The following ZBTB25 variants were observed in gnomAD, a reference collection of about 807,000 sequenced individuals.
ZBTB25 encodes zinc finger and BTB domain-containing protein 25.
ZBTB25 carries 20 observed loss-of-function variants against 34.2 expected under a neutral mutation model. That is an observed-to-expected ratio of 0.58 (90% CI 0.41 to 0.85). The LOEUF (loss-of-function observed/expected upper bound fraction) is 0.85. Ranked by LOEUF, ZBTB25 falls within the 40% of genes least tolerant of loss-of-function variation. The pLI is 0.00. For synonymous variants in ZBTB25, 175 were observed against 186.4 expected (o/e 0.94, Z 0.50); for missense variants, 437 against 521.8 (o/e 0.84, Z 1.58).
chr14:64,474,598 A>G (rs1183354802), downstream of ZBTB25: 1 of 163,428 alleles, frequency 6.1e-6, no homozygotes, highest in African/African-American at 2.4e-5. Context: ...AGTTCGCACT[A>G]CCAAAAGTTC....
chr14:64,468,408 T>C (rs913824455), intron 2 of ZBTB25: 2 of 1,601,816 alleles, frequency 1.2e-6, no homozygotes, highest in African/African-American at 1.4e-5. Context: ...GAAACCACAA[T>C]TTCAGAAATT....
rs563643686 is a variant in ZBTB25 at position 64,503,650 on chromosome 14, G to A, written c.-8+11C>T. The A allele has an allele frequency of 2.0e-6, 2 of 980,540 alleles. No individual in the cohort carries two copies. The highest frequency in any genetic ancestry group is 1.1e-4 in the East Asian group (1 of 8,764). 60.7% of individuals were successfully genotyped at this position (980,540 alleles called of 1,614,324 possible). A position where few individuals can be genotyped will look rare whatever the true frequency, so the allele number is the denominator to read the frequency against. ...CGGGGCAGCCCACAGGGGCAGGACC[G>A]CGTCGCTTACCCAGATGCCGCCGCG... is the stretch of plus-strand genomic sequence containing the variant. On this transcript the variant is annotated intron_variant, in intron 1 of 2. Coordinates refer to ENST00000608382, the MANE Select transcript of ZBTB25 (RefSeq NM_006977.5).
Position 64,503,790 on chromosome 14 carries a change from A to G in ZBTB25, c.-137T>C, listed in dbSNP as rs2079579427. ...CTCTCGCGCGGCTTCCCGCGCCGGC[A>G]GCCCGCGATGGCCCCACGTGACCGC... On this transcript the variant is annotated 5_prime_UTR_variant, in exon 1 of 3. Coordinates refer to ENST00000608382, the MANE Select transcript of ZBTB25 (RefSeq NM_006977.5). 1.6e-5 allele frequency: 3 copies of G among 185,038 alleles called. No individual in the cohort carries two copies. The highest frequency in any genetic ancestry group is 2.4e-5 in the African/African-American group (1 of 42,072). The allele number at this position is 185,038 out of a possible 1,614,324, so 11.5% of individuals were successfully genotyped here.
At chr14:64,475,773 C>A (rs1010978591), downstream of ZBTB25, among the ~76,000 whole-genome samples, 2 of 152,070 alleles carry the variant, frequency 1.3e-5, no homozygotes, top group Non-Finnish European at 2.9e-5. Flanking sequence ...GATGGTGTGG[C>A]GCCGCGTCTG....
At chr14:64,473,616 T>C (rs921152503), downstream of ZBTB25, 1 of 167,130 alleles carries the variant, frequency 6.0e-6, no homozygotes, top group Non-Finnish European at 1.5e-5. Context: ...AAGAATGTTT[T>C]TCGAGGTTTA....
chr14:64,458,732 A>G (rs2078515244), intron 2 of ZBTB25: 1 of 230,190 alleles, frequency 4.3e-6, no homozygotes. Context: ...TGTCTTAGGA[A>G]GTATAATAGA....
At chr14:64,457,512 G>A (rs530623665) in intron 2 of ZBTB25, among the ~76,000 whole-genome samples, 3 of 151,092 alleles carry the variant, frequency 2.0e-5, no homozygotes, top group Non-Finnish European at 2.9e-5. Context: ...CTGGAGTGCA[G>A]TGGCAAGATC....
chr14:64,452,885 T>A (rs887503079), intron 2 of ZBTB25, among the ~76,000 whole-genome samples: 1 of 151,960 alleles, frequency 6.6e-6, no homozygotes, highest in Non-Finnish European at 1.5e-5. Context: ...ATTATTATTT[T>A]AAAATTTTTA....
chr14:64,492,697 A>G (rs1406823535), intron 1 of ZBTB25, among the ~76,000 whole-genome samples: 1 of 152,180 alleles, frequency 6.6e-6, no homozygotes, highest in Non-Finnish European at 1.5e-5. Flanking sequence ...AATGAGACAT[A>G]GCACACTAAT....
chr14:64,469,925 T>C (rs539474880), intron 2 of ZBTB25: 17 of 356,530 alleles, frequency 4.8e-5, no homozygotes, highest in Non-Finnish European at 8.9e-5. Context: ...ATACAGGGAG[T>C]TGCTAAAATG....
intron 2 of ZBTB25, among the ~76,000 whole-genome samples, chr14:64,456,769 G>A (rs979858787): frequency 2.6e-5 from 4 of 152,164 alleles, no homozygotes; most frequent in African/African-American, 7.2e-5. Flanking sequence ...GTGTTTTGGG[G>A]AATATTGATT....
chr14:64,478,855 C>T lies in ZBTB25; in HGVS notation c.*8068G>A, dbSNP rs1838145897. ...TATAATGAACATTTTTTTAAAGGTA[C>T]ACTGGTGCCACCTTTTGGCCAGATT... On this transcript the variant is annotated 3_prime_UTR_variant, in exon 3 of 3. Transcript: ENST00000608382. 1 of 152,038 alleles carries T rather than the reference C, an allele frequency of 6.6e-6. No individual in the cohort carries two copies. The highest frequency in any genetic ancestry group is 6.5e-5 in the Admixed American group (1 of 15,274). 9.4% of individuals were successfully genotyped at this position (152,038 alleles called of 1,614,324 possible).
At chr14:64,476,489 T>G (rs781097511), downstream of ZBTB25, among the ~76,000 whole-genome samples, 12 of 139,808 alleles carry the variant, frequency 8.6e-5, no homozygotes, top group South Asian at 4.5e-4. Flanking sequence ...CCCGGCTAAT[T>G]TTTTTCTCTT....
upstream of ZBTB25, chr14:64,504,615 C>G: frequency 3.4e-6 from 1 of 296,752 alleles, no homozygotes; most frequent in Non-Finnish European, 6.2e-6. Flanking sequence ...GCGGGTGCCC[C>G]TAGCAGCCAG....
intron 2 of ZBTB25, chr14:64,469,724 T>G: frequency 8.4e-4 from 871 of 1,031,486 alleles, no homozygotes; most frequent in Middle Eastern, 1.4e-3. Context: ...TAATGAAGAA[T>G]TCTTTTATAC....
intron 1 of ZBTB25, 74 bp from the exon 2 acceptor site, chr14:64,490,614 G>A: frequency 7.4e-7 from 1 of 1,358,276 alleles, no homozygotes; most frequent in Non-Finnish European, 9.9e-7. Context: ...ATACAAAATT[G>A]TCTACAGTTC....
chr14:64,468,626 G>T lies in ZBTB25; in HGVS notation c.174-18988C>A, dbSNP rs757989095. 2 of 1,613,780 alleles carry T rather than the reference G, an allele frequency of 1.2e-6. No homozygotes were observed. The highest frequency in any genetic ancestry group is 1.7e-5 in the Admixed American group (1 of 60,000). ...TGATCAGCCAGAGCCCACACGGGGG[G>T]CCTGGGCCTCACTCAAACGTCTTGT... On this transcript the variant is annotated intron_variant, in intron 2 of 2. Coordinates refer to the ZBTB25 transcript ENST00000555220.
At chr14:64,492,668 A>T (rs2079125330) in intron 1 of ZBTB25, among the ~76,000 whole-genome samples, 1 of 152,050 alleles carries the variant, frequency 6.6e-6, no homozygotes, top group Non-Finnish European at 1.5e-5. Context: ...CATTATATTG[A>T]ACTACTGAAC....
chr14:64,471,769 G>A (rs1173331096), intron 2 of ZBTB25: 1 of 166,990 alleles, frequency 6.0e-6, no homozygotes, highest in African/African-American at 2.4e-5. Context: ...CCACTTGGAG[G>A]AAATAATGCA....
Sources: allele counts gnomAD v4.1 joint callset (sites outside exome capture counted in the v4.1 genomes callset), GRCh38; gene constraint gnomAD v4.1.1; transcripts MANE v1.5; gene names NCBI Gene and HGNC (gene_info 2026-07-23, HGNC 2026-07-21).